The following SERPINF2 variants were observed in gnomAD, a reference collection of about 807,000 sequenced individuals.
SERPINF2 encodes the protein alpha-2-antiplasmin.
Under a neutral mutation model 45.0 loss-of-function variants are expected in SERPINF2, and 15 were observed. The observed-to-expected ratio is 0.33, with a 90% CI of 0.22 to 0.51. The LOEUF is 0.51. SERPINF2 is among the 20% of genes least tolerant of loss of function. The pLI is 0.97. For synonymous variants in SERPINF2, 283 were observed against 277.9 expected (o/e 1.02, Z -0.18); for missense variants, 518 against 637.4 (o/e 0.81, Z 2.02).
intron 7 of SERPINF2, among the ~76,000 whole-genome samples, chr17:1,747,844 G>A (rs112409977): frequency 6.4e-4 from 98 of 152,088 alleles, no homozygotes; most frequent in African/African-American, 2.2e-3. Flanking sequence ...GATTACAGGC[G>A]TGAGCCACCG....
intron 7 of SERPINF2, among the ~76,000 whole-genome samples, chr17:1,748,312 A>G (rs985269529): frequency 6.6e-6 from 1 of 152,042 alleles, no homozygotes; most frequent in Non-Finnish European, 1.5e-5. Context: ...TAAAAAAAAA[A>G]AAAAAGATCC....
rs560323542 is a variant in SERPINF2 at position 1,745,150 on chromosome 17, C to T, written c.64-25C>T. 7.0e-6 allele frequency: 11 copies of T among 1,582,482 alleles called. No individual in the cohort carries two copies. Among genetic ancestry groups the T allele is most frequent in the Non-Finnish European group, 9.4e-6 (11 of 1,164,850 alleles). ...GGAGGGCTTGGCTCCGAGGGGACCT[C>T]CTATCCTCATCCCTTTCTCCACAGT... On this transcript the variant is annotated intron_variant, in intron 2 of 9. Coordinates refer to ENST00000453066, the MANE Select transcript of SERPINF2 (RefSeq NM_000934.4). This position sits in a 1 kb window ranked among gnomAD's most constrained non-coding sequence, Gnocchi z 6.2.
At chr17:1,746,995 C>G in intron 5 of SERPINF2, 24 bp from the exon 6 acceptor site, 6 of 1,601,792 alleles carry the variant, frequency 3.7e-6, no homozygotes, top group Non-Finnish European at 5.1e-6. Context: ...GCAGCCGGGC[C>G]TCAGCCTGTG....
chr17:1,752,498 T>C lies in SERPINF2; in HGVS notation c.859-88T>C, dbSNP rs548129718. The C allele has an allele frequency of 2.1e-4, 251 of 1,175,540 alleles. 1 individual carries two copies. The East Asian group carries it at 4.3e-3, about 20-fold the overall frequency. 72.8% of individuals were successfully genotyped at this position (1,175,540 alleles called of 1,614,324 possible). On this transcript the variant is annotated intron_variant, in intron 8 of 9. Transcript: ENST00000453066. ...CCTGGCAGGATGGCCAGGAGCCCCATTGTCTGCCTTAGGAGCACCTGCTGG... is the reference window on the plus strand; with the variant it reads ...CCTGGCAGGATGGCCAGGAGCCCCACTGTCTGCCTTAGGAGCACCTGCTGG...
In SERPINF2 at chr17:1,748,632, C is replaced by T. The variant is rs768186501; in HGVS notation, c.750C>T (p.Thr250=). ...FWRNKFDPSL[T]QRDSFHLDEQ... ...GGAACAAGTTTGACCCGAGCCTTAC[C>T]CAGAGAGACTCCTTCCACCTGGACG... The change falls in exon 8 of 10, where the codon ACC becomes ACT. Residue 250 remains threonine, a synonymous_variant. Transcript: ENST00000453066. The T allele has an allele frequency of 5.6e-6, 9 of 1,613,960 alleles. No individual in the cohort carries two copies. In the East Asian group the frequency reaches 1.6e-4, roughly 28 times the overall value.
rs755809297 is a variant in SERPINF2, at chr17:1,754,451, C to T, written c.1393C>T (p.Arg465Cys). 1.4e-5 allele frequency: 23 copies of T among 1,608,908 alleles called. No individual in the cohort carries two copies. In the Admixed American group the frequency reaches 2.0e-4, roughly 14 times the overall value. Reference sequence around the variant, plus strand: ...CCTCCAGAGCCTGAAAGGCTTCCCCCGCGGAGACAAGCTTTTCGGCCCTGA... The same window carrying T: ...CCTCCAGAGCCTGAAAGGCTTCCCCTGCGGAGACAAGCTTTTCGGCCCTGA... ...DFLQSLKGFPRGDKLFGPDLK... is the reference protein window; with the variant it reads ...DFLQSLKGFPCGDKLFGPDLK... The change falls in exon 10 of 10, where the codon CGC (arginine) becomes TGC (cysteine). Residue 465 changes from arginine to cysteine, a missense_variant. This residue lies in a region of SERPINF2 where 83 missense variants were observed against 60.0 expected (regional missense o/e 1.38). Transcript: ENST00000453066.
intron 1 of SERPINF2, chr17:1,743,171 G>T: frequency 1.1e-6 from 1 of 925,114 alleles, no homozygotes; most frequent in Non-Finnish European, 1.3e-6. Flanking sequence ...CCCCAAGATG[G>T]GGGTGGGCTG....
At chr17:1,743,554 A>G (rs927562324) in intron 1 of SERPINF2, among the ~76,000 whole-genome samples, 1 of 151,352 alleles carries the variant, frequency 6.6e-6, no homozygotes, top group African/African-American at 2.4e-5. Context: ...TGTCTCTACT[A>G]AAAATACAAA....
At chr17:1,744,332 A>C (rs1905591157) in intron 1 of SERPINF2, among the ~76,000 whole-genome samples, 1 of 151,962 alleles carries the variant, frequency 6.6e-6, no homozygotes, top group African/African-American at 2.4e-5. Flanking sequence ...GTTTCTACTA[A>C]GAAATACAGA....
chr17:1,746,062 G>A (rs887262333), intron 5 of SERPINF2, among the ~76,000 whole-genome samples, 153 bp downstream of exon 5: 3 of 152,212 alleles, frequency 2.0e-5, no homozygotes, highest in Non-Finnish European at 4.4e-5. Context: ...GCTCACGCCT[G>A]TAATCCCAAC....
chr17:1,747,045 C>G lies in SERPINF2; in HGVS notation c.394C>G (p.Leu132Val), dbSNP rs1193322697. ...LGAQNHTLQR[L>V]QQVLHAGSGP... ...TGCTCAGAACCACACGTTGCAGAGG[C>G]TGCAACAGGTGCTGCACGCAGGCTC... Residue 132 changes from leucine (L) to valine (V), a missense_variant, in exon 6 of 10, where the codon CTG (leucine) becomes GTG (valine). Transcript: ENST00000453066. 6.2e-7 allele frequency: 1 copy of G among 1,607,278 alleles called. No individual in the cohort carries two copies. Among genetic ancestry groups the G allele is most frequent in the Non-Finnish European group, 8.5e-7 (1 of 1,179,908 alleles).
At chr17:1,753,416 G>A (rs1224925080) in intron 9 of SERPINF2, among the ~76,000 whole-genome samples, 1 of 152,208 alleles carries the variant, frequency 6.6e-6, no homozygotes, top group African/African-American at 2.4e-5. Context: ...GCCGGGCATG[G>A]TGGCTCACGT....
rs1020669209 is a variant in SERPINF2 at position 1,754,999 on chromosome 17, A to G, written c.*465A>G. 1 of 183,656 alleles carries G rather than the reference A, an allele frequency of 5.4e-6. No homozygotes were observed. Among genetic ancestry groups the G allele is most frequent in the Admixed American group, 5.6e-5 (1 of 18,000 alleles). 11.4% of individuals were successfully genotyped at this position (183,656 alleles called of 1,614,324 possible). A position where few individuals can be genotyped will look rare whatever the true frequency, so the allele number is the denominator to read the frequency against. ...AGCGTTGTCCTCAGCCCCGCGTGGA[A>G]CTCGTGTCTGGCACAGCCTGGCTGT... On this transcript the variant is annotated 3_prime_UTR_variant, in exon 10 of 10. Coordinates refer to ENST00000453066, the MANE Select transcript of SERPINF2 (RefSeq NM_000934.4).
In SERPINF2 at chr17:1,750,923, T is replaced by C. The variant is rs552241315; in HGVS notation, c.859-1663T>C. ...CCTGCTTCCCCTTTCCTCCAGGCTG[T>C]GTCCTGCGTACTCTTCCTTCATCCT... On this transcript the variant is annotated intron_variant, in intron 8 of 9. Transcript: ENST00000453066. Among the ~76,000 whole-genome samples the C allele has an allele frequency of 4.6e-5, 7 of 152,288 alleles. No homozygotes were observed. In the South Asian group the frequency reaches 1.4e-3, roughly 32 times the overall value.
chr17:1,743,411 C>T (rs1905472213), intron 1 of SERPINF2, among the ~76,000 whole-genome samples: 1 of 152,162 alleles, frequency 6.6e-6, no homozygotes, highest in Non-Finnish European at 1.5e-5. Flanking sequence ...CAAGACCTGA[C>T]CAGCCTGAGA....
chr17:1,745,260 C>G lies in SERPINF2; in HGVS notation c.102+47C>G. 6.3e-7 allele frequency: 1 copy of G among 1,597,546 alleles called. No individual in the cohort carries two copies. Among genetic ancestry groups the G allele is most frequent in the Non-Finnish European group, 8.5e-7 (1 of 1,173,010 alleles). Reference sequence around the variant, plus strand: ...GTGATGGGGGGAAGGTCCCGGGGGTCTCACTGGTGGCTTGGGCAGGGTGGG... The same window carrying G: ...GTGATGGGGGGAAGGTCCCGGGGGTGTCACTGGTGGCTTGGGCAGGGTGGG... On this transcript the variant is annotated intron_variant, in intron 3 of 9. Coordinates refer to ENST00000453066, the MANE Select transcript of SERPINF2 (RefSeq NM_000934.4). The surrounding 1 kb of genome is among the most constrained non-coding windows in gnomAD (Gnocchi z 6.2).
intron 7 of SERPINF2, 84 bp downstream of exon 7, chr17:1,747,596 G>A (rs1250915185): frequency 4.2e-6 from 6 of 1,445,642 alleles, no homozygotes; most frequent in South Asian, 3.6e-5. Flanking sequence ...GACAAGTCTC[G>A]CTCTGTCACC....
chr17:1,748,810 A>G, intron 8 of SERPINF2, 70 bp downstream of exon 8: 1 of 856,146 alleles, frequency 1.2e-6, no homozygotes, highest in South Asian at 1.3e-5. Flanking sequence ...CAGGCTGTGG[A>G]GCAGGCACAG....
intron 1 of SERPINF2, among the ~76,000 whole-genome samples, chr17:1,744,264 AG>A (rs1364719049): frequency 1.3e-5 from 2 of 151,504 alleles, no homozygotes; most frequent in Non-Finnish European, 2.9e-5. Flanking sequence ...AGGCCGAGGC[AG>A]GAGGATCACC....
Sources: gnomAD v4.1 joint callset for allele counts (sites outside exome capture counted in the v4.1 genomes callset) on GRCh38, gnomAD v4.1.1 for gene constraint, gnomAD v4.1.1 regional missense constraint, Gnocchi (gnomAD v3.1) non-coding constraint, MANE v1.5 for transcripts, NCBI Gene and HGNC (gene_info 2026-07-23, HGNC 2026-07-21) for gene names.